FHIP1A: variants seen among roughly 807,000 people sequenced by gnomAD.
FHIP1A encodes FHF complex subunit HOOK-interacting protein 1A.
A neutral mutation model predicts 88.6 loss-of-function variants in FHIP1A; 61 were observed. That is an observed-to-expected ratio of 0.69 (90% CI 0.56 to 0.85). The LOEUF is 0.85. Among genes scored for constraint, FHIP1A ranks in the 40% least tolerant of loss-of-function variants. The pLI, the probability that FHIP1A is intolerant of heterozygous loss-of-function variation, is 0.00. For missense variants in FHIP1A, 1,154 were observed against 1,273.5 expected (o/e 0.91, Z 1.43); for synonymous variants, 478 against 496.0 (o/e 0.96, Z 0.48).
intron 1 of FHIP1A, among the ~76,000 whole-genome samples, chr4:151,412,303 G>T (rs946063772): frequency 4.0e-5 from 6 of 151,860 alleles, no homozygotes; most frequent in Non-Finnish European, 8.8e-5. Flanking sequence ...ATGGGGTTTC[G>T]CCATGTTGGC....
chr4:151,472,887 T>A (rs755379441), intron 2 of FHIP1A, among the ~76,000 whole-genome samples: 42 of 152,162 alleles, frequency 2.8e-4, no homozygotes, highest in Admixed American at 2.0e-3. Context: ...CCAAGCTTAT[T>A]TTTCCTGCAA....
chr4:151,441,083 A>G (rs1370278377), intron 1 of FHIP1A, among the ~76,000 whole-genome samples: 1 of 152,130 alleles, frequency 6.6e-6, no homozygotes, highest in East Asian at 1.9e-4. Flanking sequence ...CTGGGCTCCC[A>G]AACACTATTA....
chr4:151,479,029 G>A (rs748479599), intron 2 of FHIP1A, among the ~76,000 whole-genome samples: 2 of 152,014 alleles, frequency 1.3e-5, no homozygotes, highest in Non-Finnish European at 2.9e-5. Context: ...AAAAAGAATT[G>A]TATGAAATTA....
chr4:151,651,053 C>T lies in FHIP1A; in HGVS notation c.2551+461C>T, dbSNP rs182921537. Among the ~76,000 whole-genome samples, 6 of 152,318 alleles carry T rather than the reference C, an allele frequency of 3.9e-5. No homozygotes were observed. In the East Asian group the frequency reaches 9.6e-4, roughly 24 times the overall value. On this transcript the variant is annotated intron_variant, in intron 11 of 13. Coordinates refer to ENST00000435205, the MANE Select transcript of FHIP1A (RefSeq NM_001109977.3). The stretch of plus-strand genomic sequence containing the variant: ...GAGTGAACAGAGCACAGAATAGGTG[C>T]TCAGAGTCCGTGTTGGGTGACAGTA...
intron 3 of FHIP1A, among the ~76,000 whole-genome samples, chr4:151,555,052 C>A (rs974355134): frequency 2.6e-5 from 4 of 152,076 alleles, no homozygotes; most frequent in Non-Finnish European, 5.9e-5. Flanking sequence ...GTTCTCCCCC[C>A]AATCACAGAA....
At chr4:151,414,328 C>T (rs1580536770) in intron 1 of FHIP1A, among the ~76,000 whole-genome samples, 1 of 152,196 alleles carries the variant, frequency 6.6e-6, no homozygotes, top group African/African-American at 2.4e-5. Flanking sequence ...GCTGGGATTA[C>T]AGGCTTGAGC....
At chr4:151,412,909 C>T (rs1732723562) in intron 1 of FHIP1A, among the ~76,000 whole-genome samples, 1 of 151,808 alleles carries the variant, frequency 6.6e-6, no homozygotes, top group African/African-American at 2.4e-5. Flanking sequence ...GTCTCGAACT[C>T]CTGACCTCAG....
intron 1 of FHIP1A, among the ~76,000 whole-genome samples, chr4:151,443,829 C>T (rs1728498553): frequency 6.6e-6 from 1 of 151,826 alleles, no homozygotes; most frequent in African/African-American, 2.4e-5. Flanking sequence ...CTTCACAAGC[C>T]ATCTCTTACT....
intron 4 of FHIP1A, among the ~76,000 whole-genome samples, chr4:151,573,833 G>A (rs770728477): frequency 6.6e-6 from 1 of 152,018 alleles, no homozygotes; most frequent in Non-Finnish European, 1.5e-5. Flanking sequence ...TGAAAAGAGG[G>A]CACAAAAGGA....
intron 1 of FHIP1A, among the ~76,000 whole-genome samples, chr4:151,447,187 C>A (rs1422520404): frequency 6.6e-6 from 1 of 152,122 alleles, no homozygotes. Flanking sequence ...CTTTGGAAGA[C>A]TTCTTAGGAC....
At chr4:151,649,077 A>T (rs1578860729) in intron 10 of FHIP1A, among the ~76,000 whole-genome samples, 1 of 152,192 alleles carries the variant, frequency 6.6e-6, no homozygotes, top group Admixed American at 6.5e-5. Context: ...TTAGATTCAA[A>T]GTAAAAAACT....
At chr4:151,556,317 T>A (rs1732946408) in intron 3 of FHIP1A, among the ~76,000 whole-genome samples, 1 of 152,162 alleles carries the variant, frequency 6.6e-6, no homozygotes, top group African/African-American at 2.4e-5. Flanking sequence ...TGGTTTCTAT[T>A]CTATCATCAT....
At chr4:151,484,441 T>C (rs544747318) in intron 3 of FHIP1A, among the ~76,000 whole-genome samples, 1 of 152,130 alleles carries the variant, frequency 6.6e-6, no homozygotes, top group East Asian at 1.9e-4. Context: ...AACAAATATA[T>C]GTAAAAGGGA....
intron 3 of FHIP1A, among the ~76,000 whole-genome samples, chr4:151,533,208 G>A (rs929008837): frequency 6.6e-6 from 1 of 152,148 alleles, no homozygotes; most frequent in Non-Finnish European, 1.5e-5. Context: ...CAGCCTGGTT[G>A]ACGTGGCAAG....
At chr4:151,414,464 T>G (rs1732810187) in intron 1 of FHIP1A, among the ~76,000 whole-genome samples, 2 of 152,210 alleles carry the variant, frequency 1.3e-5, no homozygotes, top group Non-Finnish European at 2.9e-5. Flanking sequence ...GTTTTTCGAG[T>G]CTGCAGAATC....
intron 1 of FHIP1A, among the ~76,000 whole-genome samples, chr4:151,430,061 G>C (rs912698277): frequency 6.6e-6 from 1 of 152,158 alleles, no homozygotes; most frequent in Non-Finnish European, 1.5e-5. Context: ...TAAGAAGTGT[G>C]TTGTCTTTGA....
intron 2 of FHIP1A, among the ~76,000 whole-genome samples, chr4:151,467,767 G>A (rs1561508423): frequency 1.3e-5 from 2 of 151,968 alleles, no homozygotes; most frequent in Admixed American, 6.6e-5. Context: ...ATTATAATTG[G>A]GTGTTGAACA....
At chr4:151,452,665 T>C (rs1728828745) in intron 1 of FHIP1A, among the ~76,000 whole-genome samples, 1 of 151,910 alleles carries the variant, frequency 6.6e-6, no homozygotes, top group Non-Finnish European at 1.5e-5. Context: ...TAGTCCCAGC[T>C]ACTTGGGAAA....
At chr4:151,572,079 T>C (rs951688438) in intron 4 of FHIP1A, among the ~76,000 whole-genome samples, 1 of 152,182 alleles carries the variant, frequency 6.6e-6, no homozygotes, top group African/African-American at 2.4e-5. Context: ...TGGTGGCACA[T>C]GCCTGTAATC....
Sources: gnomAD v4.1 joint callset for allele counts (sites outside exome capture counted in the v4.1 genomes callset) on GRCh38, gnomAD v4.1.1 for gene constraint, MANE v1.5 for transcripts, NCBI Gene and HGNC (gene_info 2026-07-23, HGNC 2026-07-21) for gene names.